The following UTP15 variants were observed in gnomAD, a reference collection of about 807,000 sequenced individuals.
UTP15 encodes the protein UTP15 small subunit processome component.
In UTP15, 5 loss-of-function variants were observed where a neutral mutation model predicts 59.1. The ratio of observed to expected loss-of-function variants is 0.08; its 90% CI spans 0.04 to 0.18. The LOEUF (loss-of-function observed/expected upper bound fraction) is 0.18, where lower values mean the gene tolerates loss of function less well. Among genes scored for constraint, UTP15 ranks in the 10% least tolerant of loss-of-function variants. UTP15 has a pLI of 1.00. For synonymous variants in UTP15, 211 were observed against 212.2 expected (o/e 0.99, Z 0.05); for missense variants, 494 against 616.7 (o/e 0.80, Z 2.11).
At chr5:73,576,375 G>A (rs934076966) in intron 7 of UTP15, among the ~76,000 whole-genome samples, 1 of 151,372 alleles carries the variant, frequency 6.6e-6, no homozygotes, top group Non-Finnish European at 1.5e-5. Flanking sequence ...CGAAGTGCTG[G>A]GATTACAGAC....
chr5:73,567,957 A>G (rs896742208), intron 2 of UTP15, among the ~76,000 whole-genome samples: 2 of 152,144 alleles, frequency 1.3e-5, no homozygotes, highest in Non-Finnish European at 2.9e-5. Context: ...TGGTGTAGAC[A>G]TGATAACTTT....
chr5:73,565,959 GCCTT>G, intron 1 of UTP15, 47 bp downstream of exon 1: 1 of 449,988 alleles, frequency 2.2e-6, no homozygotes, highest in Admixed American at 2.4e-5. Context: ...CTCACACCCG[GCCTT>G]CCTGTGTTAA....
intron 6 of UTP15, among the ~76,000 whole-genome samples, chr5:73,571,751 C>G (rs1017928642): frequency 6.6e-6 from 1 of 151,822 alleles, no homozygotes; most frequent in Non-Finnish European, 1.5e-5. Context: ...GCCTGGGCAA[C>G]ATAGCAAGAC....
At chr5:73,572,383 T>G in intron 6 of UTP15, 106 bp from the exon 7 acceptor site, 1 of 1,464,572 alleles carries the variant, frequency 6.8e-7, no homozygotes, top group Admixed American at 2.1e-5. Context: ...ACTCCCTCAC[T>G]CAGCCTCCAT....
Position 73,567,414 on chromosome 5 carries a change from C to T in UTP15, c.70C>T (p.Leu24=), listed in dbSNP as rs368777761. ...ILGEKITQDT[L]YWNNYKTPVQ... ...TGGTGAAAAAATCACCCAAGATACACTGTACTGGAACAACTATAAGGTGAG... is the reference window on the plus strand; with the variant it reads ...TGGTGAAAAAATCACCCAAGATACATTGTACTGGAACAACTATAAGGTGAG... Residue 24 remains leucine (L), a synonymous_variant, in exon 2 of 13, where the codon CTG becomes TTG. Coordinates refer to ENST00000296792, the MANE Select transcript of UTP15 (RefSeq NM_032175.4). The T allele has an allele frequency of 1.2e-6, 2 of 1,608,856 alleles. No individual in the cohort carries two copies. The highest frequency in any genetic ancestry group is 1.7e-5 in the Admixed American group (1 of 59,310).
At chr5:73,570,977 A>G (rs922297669) in intron 6 of UTP15, among the ~76,000 whole-genome samples, 8 of 152,218 alleles carry the variant, frequency 5.3e-5, no homozygotes, top group Non-Finnish European at 1.2e-4. Flanking sequence ...GCAATGAAAT[A>G]AAAGTTTTAA....
intron 5 of UTP15, among the ~76,000 whole-genome samples, chr5:73,570,165 T>G (rs1747891047): frequency 6.6e-6 from 1 of 152,154 alleles, no homozygotes; most frequent in Non-Finnish European, 1.5e-5. Flanking sequence ...TTATTCTTCT[T>G]TTGTTGATTG....
Position 73,567,290 on chromosome 5 carries a change from C to T in UTP15, c.-55C>T. The T allele has an allele frequency of 8.0e-7, 1 of 1,242,270 alleles. No individual in the cohort carries two copies. The highest frequency in any genetic ancestry group is 1.1e-6 in the Non-Finnish European group (1 of 880,520). The allele number at this position is 1,242,270 out of a possible 1,614,324, so 77.0% of individuals were successfully genotyped here. On this transcript the variant is annotated 5_prime_UTR_variant, in exon 2 of 13. Coordinates refer to ENST00000296792, the MANE Select transcript of UTP15 (RefSeq NM_032175.4). ...TAAGGCAGAGTCACTGTAATTATTT[C>T]TAATACCAATTCCAAAATAGTGACT...
At chr5:73,568,025 G>A (rs1173856773) in intron 2 of UTP15, among the ~76,000 whole-genome samples, 1 of 152,126 alleles carries the variant, frequency 6.6e-6, no homozygotes, top group Non-Finnish European at 1.5e-5. Context: ...GTGGGGTGTG[G>A]CTTTCTAACC....
chr5:73,570,479 T>C (rs922245066), intron 5 of UTP15, 107 bp from the exon 6 acceptor site: 1 of 1,165,584 alleles, frequency 8.6e-7, no homozygotes, highest in Non-Finnish European at 1.2e-6. Flanking sequence ...ATATGTCTTT[T>C]TAAAACTCCA....
Position 73,578,885 on chromosome 5 carries a change from T to TACCATG in UTP15, c.1146+35_1146+36insCATGAC, listed in dbSNP as rs758732978. The TACCATG allele has an allele frequency of 6.4e-3, 10,231 of 1,591,580 alleles. 89 individuals are homozygous for TACCATG. Among genetic ancestry groups the TACCATG allele is most frequent in the Middle Eastern group, 8.3e-3 (50 of 5,990 alleles). ...AGCATTTTTTAAAAAATCATGTTATTACTTACCCTGCATATTACCATGACT... is the reference window on the plus strand; with the variant it reads ...AGCATTTTTTAAAAAATCATGTTATTACCATGACTTACCCTGCATATTACCATGACT... On this transcript the variant is annotated intron_variant, in intron 10 of 12. Coordinates refer to ENST00000296792, the MANE Select transcript of UTP15 (RefSeq NM_032175.4).
chr5:73,580,269 G>A lies in UTP15; in HGVS notation c.*175G>A, dbSNP rs1748260531. The A allele has an allele frequency of 3.8e-6, 2 of 519,848 alleles. No individual in the cohort carries two copies. Among genetic ancestry groups the A allele is most frequent in the Middle Eastern group, 5.0e-4 (1 of 2,000 alleles). The allele number at this position is 519,848 out of a possible 1,614,324, so 32.2% of individuals were successfully genotyped here. A position where few individuals can be genotyped will look rare whatever the true frequency, so the allele number is the denominator to read the frequency against. ...AAGTACCCGTTTTAAGTAAGACATG[G>A]TTTTCCATGTAATATTTTGAATTAT... On this transcript the variant is annotated 3_prime_UTR_variant, in exon 13 of 13. Transcript: ENST00000296792.
Position 73,578,784 on chromosome 5 carries a change from C to T in UTP15, c.1078C>T (p.His360Tyr), listed in dbSNP as rs1748205456. ...TTTGATTAACAGGCCAGCAAAGAAG[C>T]ACCTAGAATTGTATGACAGGGATCT... is the stretch of plus-strand genomic sequence containing the variant. ...DILINRPAKK[H>Y]LELYDRDLKH... Residue 360 changes from histidine to tyrosine, a missense_variant, in exon 10 of 13, where the codon CAC becomes TAC. Coordinates refer to ENST00000296792, the MANE Select transcript of UTP15 (RefSeq NM_032175.4). The T allele has an allele frequency of 6.2e-7, 1 of 1,613,486 alleles. No homozygotes were observed. The highest frequency in any genetic ancestry group is 1.3e-5 in the African/African-American group (1 of 74,882).
intron 6 of UTP15, among the ~76,000 whole-genome samples, 183 bp from the exon 7 acceptor site, chr5:73,572,306 A>G (rs1747954252): frequency 1.3e-5 from 2 of 152,338 alleles, no homozygotes; most frequent in Middle Eastern, 3.4e-3. Flanking sequence ...TCTGTGAGGT[A>G]GGAACTGTTA....
intron 6 of UTP15, 125 bp from the exon 7 acceptor site, chr5:73,572,364 C>T: frequency 8.0e-7 from 1 of 1,254,642 alleles, no homozygotes. Flanking sequence ...ACCAGGCAGC[C>T]TGGCCTGGAC....
In UTP15 at chr5:73,578,729, A is replaced by G. The variant is rs757301707; in HGVS notation, c.1045-22A>G. On this transcript the variant is annotated intron_variant, in intron 9 of 12. Transcript: ENST00000296792. ...ACACAGATGCTGATTTTCCTTCTCT[A>G]TAAATGTACTTTTCATTGCAGGATG... 8.0e-5 allele frequency: 129 copies of G among 1,603,904 alleles called. 5 individuals are homozygous for G. The highest frequency in any genetic ancestry group is 7.8e-4 in the South Asian group (71 of 90,804).
chr5:73,567,864 AAAG>A (rs1246505702), intron 2 of UTP15, among the ~76,000 whole-genome samples: 2 of 152,206 alleles, frequency 1.3e-5, no homozygotes, highest in African/African-American at 4.8e-5. Flanking sequence ...TACTAAGTGA[AAAG>A]AAGCAAGATG....
chr5:73,576,234 A>G (rs6873240), intron 7 of UTP15, among the ~76,000 whole-genome samples: 5,726 of 150,784 alleles, frequency 0.038, 396 homozygotes, highest in African/African-American at 0.13. Flanking sequence ...CCTCCTGAGT[A>G]GCTGGGATTA....
At chr5:73,573,133 T>C (rs900518018) in intron 7 of UTP15, among the ~76,000 whole-genome samples, 1 of 152,134 alleles carries the variant, frequency 6.6e-6, no homozygotes, top group Admixed American at 6.5e-5. Context: ...ACACAATTTG[T>C]TTTAACTTGT....
Sources: gnomAD v4.1 joint callset for allele counts (sites outside exome capture counted in the v4.1 genomes callset) on GRCh38, gnomAD v4.1.1 for gene constraint, MANE v1.5 for transcripts, NCBI Gene and HGNC (gene_info 2026-07-23, HGNC 2026-07-21) for gene names.